Variants in TMEM53 observed in about 807,000 individuals in gnomAD.
The protein encoded by TMEM53 is transmembrane protein 53.
TMEM53 carries 14 observed loss-of-function variants against 21.4 expected under a neutral mutation model. The ratio of observed to expected loss-of-function variants is 0.65; its 90% CI spans 0.43 to 1.02. TMEM53 has a LOEUF of 1.02. Ranked by LOEUF, TMEM53 falls within the 50% of genes least tolerant of loss-of-function variation. The probability of loss-of-function intolerance (pLI) is 0.00; values close to 1 mark genes in which losing one functional copy is unlikely to be tolerated. For missense variants in TMEM53, 323 were observed against 383.6 expected, an observed-to-expected ratio of 0.84 and a Z score of 1.32; for synonymous variants, 148 against 157.4, an observed-to-expected ratio of 0.94 and a Z score of 0.45.
Position 44,674,459 on chromosome 1 carries a change from C to G in TMEM53, c.-68G>C. 1 of 1,519,908 alleles carries G rather than the reference C, an allele frequency of 6.6e-7. No homozygotes were observed. Among genetic ancestry groups the G allele is most frequent in the Non-Finnish European group, 8.9e-7 (1 of 1,124,722 alleles). 94.2% of individuals were successfully genotyped at this position (1,519,908 alleles called of 1,614,324 possible). A position where few individuals can be genotyped will look rare whatever the true frequency, so the allele number is the denominator to read the frequency against. The stretch of plus-strand genomic sequence containing the variant: ...CCCGCTTGCGCACCCGTGCCTCACC[C>G]GGGCGCCTCCTGGGCGCCGCCCAAT... On this transcript the variant is annotated 5_prime_UTR_variant, in exon 1 of 3. Transcript: ENST00000372237.
intron 1 of TMEM53, among the ~76,000 whole-genome samples, chr1:44,667,309 T>TTG (rs1644957297): frequency 6.7e-6 from 1 of 148,924 alleles, no homozygotes; most frequent in African/African-American, 2.5e-5. Context: ...GCACACTTTT[T>TTG]TTGTTGTTTT....
In TMEM53 at chr1:44,654,705, G is replaced by T; in HGVS notation, c.688C>A (p.Arg230Ser). The change falls in exon 3 of 3, where the codon CGC (arginine) becomes AGC (serine). Residue 230 changes from arginine to serine, a missense_variant. By Grantham distance (110) the Arg-to-Ser change is moderately radical (BLOSUM62 -1). Around this residue, in one of 3 missense-constraint regions of TMEM53, gnomAD observed 269 missense variants for 334.5 expected, o/e 0.80. Coordinates refer to ENST00000372237, the MANE Select transcript of TMEM53 (RefSeq NM_024587.4). The surrounding 1 kb of genome is among the most constrained non-coding windows in gnomAD (Gnocchi z 7.0). Reference protein sequence around the residue: ...DEVVLARDIERMVEARLARRV... With the variant: ...DEVVLARDIESMVEARLARRV... ...CGTGCCAGGCGTGCCTCCACCATGC[G>T]TTCTATGTCTCTGGCCAGGACTACT... 1 of 1,614,152 alleles carries T rather than the reference G, an allele frequency of 6.2e-7. No individual in the cohort carries two copies. Among genetic ancestry groups the T allele is most frequent in the Non-Finnish European group, 8.5e-7 (1 of 1,180,022 alleles).
intron 1 of TMEM53, among the ~76,000 whole-genome samples, chr1:44,663,924 GC>G (rs1354115302): frequency 3.9e-5 from 6 of 152,156 alleles, no homozygotes; most frequent in African/African-American, 1.2e-4. Flanking sequence ...ACTTTGGGAG[GC>G]CAAAGCAGGC....
At chr1:44,658,763 G>C (rs1436471441) in intron 2 of TMEM53, among the ~76,000 whole-genome samples, 1 of 152,152 alleles carries the variant, frequency 6.6e-6, no homozygotes, top group Admixed American at 6.5e-5. Context: ...TGTTGGCCAG[G>C]CTGGTCTTGA....
At chr1:44,671,553 G>T (rs1258894428) in intron 1 of TMEM53, among the ~76,000 whole-genome samples, 1 of 152,164 alleles carries the variant, frequency 6.6e-6, no homozygotes, top group African/African-American at 2.4e-5. Flanking sequence ...CTTGAGCCCA[G>T]AAGTTTCAAA....
intron 1 of TMEM53, 72 bp downstream of exon 1, chr1:44,674,259 T>TAC (rs1032256305): frequency 6.5e-7 from 1 of 1,536,834 alleles, no homozygotes; most frequent in Non-Finnish European, 8.8e-7. Flanking sequence ...GGGGCGGGGC[T>TAC]ACAGCTGCGC....
intron 1 of TMEM53, among the ~76,000 whole-genome samples, chr1:44,671,549 C>T (rs545584457): frequency 6.6e-6 from 1 of 152,210 alleles, no homozygotes; most frequent in African/African-American, 2.4e-5. Context: ...ACTGCTTGAG[C>T]CCAGAAGTTT....
At chr1:44,663,443 G>A (rs1220060627) in intron 1 of TMEM53, among the ~76,000 whole-genome samples, 1 of 152,198 alleles carries the variant, frequency 6.6e-6, no homozygotes, top group Non-Finnish European at 1.5e-5. Flanking sequence ...GTTTCACCAT[G>A]TTGACCAGGC....
chr1:44,660,435 G>A, intron 1 of TMEM53, 140 bp from the exon 2 acceptor site: 1 of 1,247,032 alleles, frequency 8.0e-7, no homozygotes, highest in Non-Finnish European at 1.1e-6. Context: ...CAGCACGCAT[G>A]CACCAGTTCC....
rs1038406025 is a variant in TMEM53, at chr1:44,654,271, G to A, written c.*288C>T. The A allele has an allele frequency of 2.5e-6, 1 of 405,798 alleles. No individual in the cohort carries two copies. Among genetic ancestry groups the A allele is most frequent in the Admixed American group, 4.1e-5 (1 of 24,612 alleles). The allele number at this position is 405,798 out of a possible 1,614,324, so 25.1% of individuals were successfully genotyped here. A position where few individuals can be genotyped will look rare whatever the true frequency, so the allele number is the denominator to read the frequency against. ...ATTTGTCAACCTCTACAGCCTGCAT[G>A]CCACAGGAATCAGCAGCCTGACTGT... On this transcript the variant is annotated 3_prime_UTR_variant, in exon 3 of 3. Transcript: ENST00000372237. The surrounding 1 kb of genome is among the most constrained non-coding windows in gnomAD (Gnocchi z 7.0).
In TMEM53 at chr1:44,654,775, C is replaced by T. The variant is rs371248847; in HGVS notation, c.618G>A (p.Ala206=). The T allele has an allele frequency of 1.5e-5, 24 of 1,613,924 alleles. No individual in the cohort carries two copies. In the African/African-American group the frequency reaches 2.3e-4, roughly 15 times the overall value. The change falls in exon 3 of 3, where the codon GCG becomes GCA. Residue 206 remains alanine (A), a synonymous_variant. Coordinates refer to ENST00000372237, the MANE Select transcript of TMEM53 (RefSeq NM_024587.4). This position sits in a 1 kb window ranked among gnomAD's most constrained non-coding sequence, Gnocchi z 7.0. ...GGTAGAGCTCGGGCCAGCGAGAGCCCGCGTCCTGTAGCCTGTCATAGAAGT... is the reference window on the plus strand; with the variant it reads ...GGTAGAGCTCGGGCCAGCGAGAGCCTGCGTCCTGTAGCCTGTCATAGAAGT... ...HTHFYDRLQD[A]GSRWPELYLY...
At chr1:44,660,712 C>T (rs569425892) in intron 1 of TMEM53, among the ~76,000 whole-genome samples, 2,410 of 151,788 alleles carry the variant, frequency 0.016, 82 homozygotes, top group Admixed American at 0.066. Context: ...CGGCTGGGCG[C>T]GGTGGCTCAC....
rs781551897 is a variant in TMEM53, at chr1:44,655,226, G to C, written c.184-17C>G. ...GATGCAGCCCTGGGGAGAGAGGCCT[G>C]GTCAGTCCTCACAGATGAGGTGGGG... On this transcript the variant is annotated splice_polypyrimidine_tract_variant and intron_variant, in intron 2 of 2. Coordinates refer to ENST00000372237, the MANE Select transcript of TMEM53 (RefSeq NM_024587.4). This position sits in a 1 kb window ranked among gnomAD's most constrained non-coding sequence, Gnocchi z 4.4. 1 of 1,578,928 alleles carries C rather than the reference G, an allele frequency of 6.3e-7. No individual in the cohort carries two copies. Among genetic ancestry groups the C allele is most frequent in the East Asian group, 2.2e-5 (1 of 44,618 alleles).
chr1:44,671,565 C>G (rs2148539149), intron 1 of TMEM53, among the ~76,000 whole-genome samples: 1 of 152,228 alleles, frequency 6.6e-6, no homozygotes, highest in Non-Finnish European at 1.5e-5. Context: ...AGTTTCAAAC[C>G]AGTCTGGGCA....
At chr1:44,668,108 G>T (rs961041144) in intron 1 of TMEM53, among the ~76,000 whole-genome samples, 2 of 152,194 alleles carry the variant, frequency 1.3e-5, no homozygotes, top group African/African-American at 2.4e-5. Context: ...TTTTTTATTT[G>T]CAAGCCAGAA....
chr1:44,673,406 C>T (rs1401272036), intron 1 of TMEM53, among the ~76,000 whole-genome samples: 1 of 152,264 alleles, frequency 6.6e-6, no homozygotes, highest in African/African-American at 2.4e-5. Flanking sequence ...AGACAGGAGG[C>T]GTGAAGGCGA....
At chr1:44,660,482 C>T (rs1386267452) in intron 1 of TMEM53, among the ~76,000 whole-genome samples, 187 bp from the exon 2 acceptor site, 1 of 152,202 alleles carries the variant, frequency 6.6e-6, no homozygotes, top group Non-Finnish European at 1.5e-5. Context: ...CTGCAGGAGG[C>T]ACCATGGGGT....
chr1:44,665,375 G>C (rs1644939523), intron 1 of TMEM53, among the ~76,000 whole-genome samples: 1 of 152,088 alleles, frequency 6.6e-6, no homozygotes, highest in Non-Finnish European at 1.5e-5. Context: ...AGTGGCACAA[G>C]CCTATAATCC....
intron 1 of TMEM53, among the ~76,000 whole-genome samples, chr1:44,661,185 A>G (rs1644898940): frequency 6.6e-6 from 1 of 152,136 alleles, no homozygotes; most frequent in South Asian, 2.1e-4. Flanking sequence ...CTGGCCCTTT[A>G]CAGAAAAAGT....
Sources: gnomAD v4.1 joint callset for allele counts (sites outside exome capture counted in the v4.1 genomes callset) on GRCh38, gnomAD v4.1.1 for gene constraint, gnomAD v4.1.1 regional missense constraint, Gnocchi (gnomAD v3.1) non-coding constraint, MANE v1.5 for transcripts, NCBI Gene and HGNC (gene_info 2026-07-23, HGNC 2026-07-21) for gene names.